IKBKE: variants seen among roughly 807,000 people sequenced by gnomAD.
The protein encoded by IKBKE is inhibitor of nuclear factor kappa B kinase subunit epsilon, also known as inhibitor of nuclear factor kappa-B kinase subunit epsilon.
IKBKE carries 45 observed loss-of-function variants against 92.1 expected under a neutral mutation model. The ratio of observed to expected loss-of-function variants is 0.49; its 90% confidence interval spans 0.38 to 0.63. The LOEUF (loss-of-function observed/expected upper bound fraction) is 0.63. Among genes scored for constraint, IKBKE ranks in the 20% least tolerant of loss-of-function variants. The probability of loss-of-function intolerance (pLI) is 0.00; values close to 1 mark genes in which losing one functional copy is unlikely to be tolerated. For synonymous variants in IKBKE, 374 were observed against 380.3 expected (o/e 0.98, Z 0.19); for missense variants, 700 against 932.8 (o/e 0.75, Z 3.25).
chr1:206,485,922 C>T lies in IKBKE; in HGVS notation c.1616+616C>T, dbSNP rs376715836. ...TGTGGGGAGCCGCTGCCTACCTTGC[C>T]GCTTCTGACCAGGGGATGGGTGGTA... On this transcript the variant is annotated intron_variant, in intron 15 of 21. Coordinates refer to ENST00000581977, the MANE Select transcript of IKBKE (RefSeq NM_014002.4). The surrounding 1 kb of genome is among the most constrained non-coding windows in gnomAD (Gnocchi z 5.0). Among the ~76,000 whole-genome samples the T allele has an allele frequency of 1.3e-5, 2 of 152,360 alleles. No homozygotes were observed.
In IKBKE at chr1:206,476,442, G is replaced by C; in HGVS notation, c.540+80G>C. The C allele has an allele frequency of 1.4e-6, 2 of 1,437,534 alleles. No individual in the cohort carries two copies. The highest frequency in any genetic ancestry group is 1.3e-5 in the South Asian group (1 of 77,436). The allele number at this position is 1,437,534 out of a possible 1,614,324, so 89.0% of individuals were successfully genotyped here. On this transcript the variant is annotated intron_variant, in intron 6 of 21. Transcript: ENST00000581977. The surrounding 1 kb of genome is among the most constrained non-coding windows in gnomAD (Gnocchi z 5.1). Reference sequence around the variant, plus strand: ...TGAGCCCCCCAGAGCCCCCATGAGGGGGTGTGGCCCACCTCCTGCTTCCAC... The same window carrying C: ...TGAGCCCCCCAGAGCCCCCATGAGGCGGTGTGGCCCACCTCCTGCTTCCAC...
At position 206,487,387 on chromosome 1, in the gene IKBKE, CTTG is replaced by C. The variant is rs1425247840; in HGVS notation, c.1617-524_1617-522del. Among the ~76,000 whole-genome samples, 31 of 152,360 alleles carry C rather than the reference CTTG, an allele frequency of 2.0e-4. No homozygotes were observed. The highest frequency in any genetic ancestry group is 7.2e-4 in the African/African-American group (30 of 41,598). On this transcript the variant is annotated intron_variant, in intron 15 of 21. Transcript: ENST00000581977. This position sits in a 1 kb window ranked among gnomAD's most constrained non-coding sequence, Gnocchi z 5.3. ...CAGGACCGAGGCCTGTTGATTCATTCTTGTTTTCAATAAGGATTATTGATTCAT... is the reference window on the plus strand; with the variant it reads ...CAGGACCGAGGCCTGTTGATTCATTCTTTTCAATAAGGATTATTGATTCAT...
chr1:206,478,232 C>T lies in IKBKE; in HGVS notation c.885C>T (p.Phe295=), dbSNP rs144754298. The change falls in exon 9 of 22, where the codon TTC becomes TTT. Residue 295 remains phenylalanine (F), a synonymous_variant. Transcript: ENST00000581977. The surrounding 1 kb of genome is among the most constrained non-coding windows in gnomAD (Gnocchi z 4.8). ...LEVEQAKCWG[F]DQFFAETSDI... ...TGGAGCAGGCCAAGTGCTGGGGCTT[C>T]GACCAGTTCTTTGCGGAGACCAGTG... is the stretch of plus-strand genomic sequence containing the variant. 2.5e-5 allele frequency: 40 copies of T among 1,614,064 alleles called. No individual in the cohort carries two copies. The highest frequency in any genetic ancestry group is 2.0e-4 in the East Asian group (9 of 44,906).
intron 4 of IKBKE, 28 bp from the exon 5 acceptor site, chr1:206,474,837 C>T (rs868985161): frequency 5.0e-6 from 8 of 1,610,834 alleles, no homozygotes; most frequent in Non-Finnish European, 6.8e-6. Flanking sequence ...GTGCCGTCCT[C>T]ATGAGCCCCT....
chr1:206,494,050 G>A, intron 21 of IKBKE, 59 bp downstream of exon 21: 2 of 1,473,302 alleles, frequency 1.4e-6, no homozygotes, highest in Non-Finnish European at 1.9e-6. Context: ...CCTTGCCTGG[G>A]GGTGGTGAAG....
At position 206,490,687 on chromosome 1, in the gene IKBKE, G is replaced by A. The variant is rs1482393825; in HGVS notation, c.1694-132G>A. ...TTCACTCCTCTGCCCCTCCTGCTCC[G>A]CTGGGCGGTGAGTTCCCGTGAAGCA... On this transcript the variant is annotated intron_variant, in intron 16 of 21. Coordinates refer to ENST00000581977, the MANE Select transcript of IKBKE (RefSeq NM_014002.4). This position sits in a 1 kb window ranked among gnomAD's most constrained non-coding sequence, Gnocchi z 5.2. 1 of 875,188 alleles carries A rather than the reference G, an allele frequency of 1.1e-6. No individual in the cohort carries two copies. Among genetic ancestry groups the A allele is most frequent in the Non-Finnish European group, 1.9e-6 (1 of 527,228 alleles). The allele number at this position is 875,188 out of a possible 1,614,324, so 54.2% of individuals were successfully genotyped here.
At chr1:206,489,998 A>G (rs540235280) in intron 16 of IKBKE, among the ~76,000 whole-genome samples, 2 of 152,288 alleles carry the variant, frequency 1.3e-5, no homozygotes, top group Admixed American at 6.5e-5. Flanking sequence ...GGGACTCCCA[A>G]GTGGCACCTG....
At chr1:206,493,877 A>G in intron 20 of IKBKE, 43 bp from the exon 21 acceptor site, 1 of 1,571,904 alleles carries the variant, frequency 6.4e-7, no homozygotes, top group Non-Finnish European at 8.7e-7. Flanking sequence ...TGGGCAGGGC[A>G]ACTTCCAGCC....
rs1043479667 is a variant in IKBKE at position 206,478,656 on chromosome 1, A to G, written c.993-287A>G. Among the ~76,000 whole-genome samples, 4 of 152,192 alleles carry G rather than the reference A, an allele frequency of 2.6e-5. No homozygotes were observed. Among genetic ancestry groups the G allele is most frequent in the Non-Finnish European group, 5.9e-5 (4 of 68,038 alleles). On this transcript the variant is annotated intron_variant, in intron 9 of 21. Transcript: ENST00000581977. This position sits in a 1 kb window ranked among gnomAD's most constrained non-coding sequence, Gnocchi z 4.8. The stretch of plus-strand genomic sequence containing the variant: ...ACCCTTGATTCCTGGATAATTTTAT[A>G]GAACTAGGTAAATTTTAATGGCAGT...
rs782639909 is a variant in IKBKE, at chr1:206,490,883, TGGGTGGGCAGGA to T, written c.1733+33_1733+44del. On this transcript the variant is annotated intron_variant, in intron 17 of 21. Transcript: ENST00000581977. This position sits in a 1 kb window ranked among gnomAD's most constrained non-coding sequence, Gnocchi z 5.2. ...AGTGAGTGGCCTGTCCTCCGGCAGG[TGGGTGGGCAGGA>T]GGGTGGGTGTCCTCAGGGCAGAGCG... 49 of 1,610,500 alleles carry T rather than the reference TGGGTGGGCAGGA, an allele frequency of 3.0e-5. No homozygotes were observed. The highest frequency in any genetic ancestry group is 2.5e-4 in the African/African-American group (19 of 74,702).
At chr1:206,479,743 C>T in intron 10 of IKBKE, 127 bp from the exon 11 acceptor site, 1 of 1,016,484 alleles carries the variant, frequency 9.8e-7, no homozygotes, top group East Asian at 2.6e-5. Context: ...GTGGGAGGCT[C>T]AGGGTGAGTT....
chr1:206,481,439 C>A (rs1665384323), intron 13 of IKBKE, among the ~76,000 whole-genome samples: 1 of 152,224 alleles, frequency 6.6e-6, no homozygotes, highest in African/African-American at 2.4e-5. Flanking sequence ...GATGGGGCAG[C>A]TGGGAGGTGG....
chr1:206,493,312 G>A lies in IKBKE; in HGVS notation c.1979G>A (p.Gly660Glu), dbSNP rs55822317. Residue 660 changes from glycine to glutamate, a missense_variant, in exon 20 of 22, where the codon GGG becomes GAG. By Grantham distance (98) the Gly-to-Glu change is moderately conservative. Coordinates refer to ENST00000581977, the MANE Select transcript of IKBKE (RefSeq NM_014002.4). ...CAGCTCCTTCAGGACCGAGCAAAGG[G>A]GGCTCAGGCCTCGCCGCCTCCCATA... ...SHQLLQDRAKGAQASPPPIAP... is the reference protein window; with the variant it reads ...SHQLLQDRAKEAQASPPPIAP... The A allele has an allele frequency of 2.4e-4, 383 of 1,614,086 alleles. 4 individuals are homozygous for A. The East Asian group carries it at 8.3e-3, about 35-fold the overall frequency.
chr1:206,485,157 T>C lies in IKBKE; in HGVS notation c.1504-37T>C, dbSNP rs782242142. On this transcript the variant is annotated intron_variant, in intron 14 of 21. Transcript: ENST00000581977. This position sits in a 1 kb window ranked among gnomAD's most constrained non-coding sequence, Gnocchi z 5.0. ...CCAGCCTGCCCACCAGTGCCCAGGC[T>C]GAAGACCCCACGGGGGTCTGCCTTT... 1.3e-6 allele frequency: 2 copies of C among 1,585,830 alleles called. No individual in the cohort carries two copies. The highest frequency in any genetic ancestry group is 2.2e-5 in the East Asian group (1 of 44,758).
At chr1:206,473,582 A>T (rs1664893748) in intron 3 of IKBKE, among the ~76,000 whole-genome samples, 2 of 152,218 alleles carry the variant, frequency 1.3e-5, no homozygotes, top group Non-Finnish European at 1.5e-5. Flanking sequence ...CAGCAAATGG[A>T]ATCTAGGAAT....
At chr1:206,492,511 T>A (rs1382318374) in intron 18 of IKBKE, 1 of 471,238 alleles carries the variant, frequency 2.1e-6, no homozygotes, top group Non-Finnish European at 4.4e-6. Flanking sequence ...AGGGCTTGGA[T>A]GTCAGTGTAG....
intron 2 of IKBKE, among the ~76,000 whole-genome samples, 160 bp downstream of exon 2, chr1:206,471,405 GA>G (rs1664765084): frequency 6.6e-6 from 1 of 152,182 alleles, no homozygotes; most frequent in Non-Finnish European, 1.5e-5. Flanking sequence ...GTGGTGGGGG[GA>G]GGATCTGCAG....
rs781917257 is a variant in IKBKE at position 206,476,761 on chromosome 1, A to C, written c.624A>C (p.Gly208=). The C allele has an allele frequency of 2.5e-6, 4 of 1,614,186 alleles. No individual in the cohort carries two copies. In the Admixed American group the frequency reaches 6.7e-5, roughly 27 times the overall value. The part of the protein sequence containing the change: ...FGVTVDLWSI[G]VTLYHAATGS... ...TGACTGTGGATCTCTGGAGCATTGG[A>C]GTGACCTTGTACCATGCAGCCACTG... is the stretch of plus-strand genomic sequence containing the variant. Residue 208 remains glycine (G), a synonymous_variant, in exon 7 of 22, where the codon GGA becomes GGC. Transcript: ENST00000581977. This position sits in a 1 kb window ranked among gnomAD's most constrained non-coding sequence, Gnocchi z 5.1.
chr1:206,488,942 A>G (rs1572261758), intron 16 of IKBKE, among the ~76,000 whole-genome samples: 2 of 152,174 alleles, frequency 1.3e-5, no homozygotes, highest in African/African-American at 4.8e-5. Context: ...ATCACTAAGG[A>G]AATACCTTAT....
Sources: allele counts gnomAD v4.1 joint callset (sites outside exome capture counted in the v4.1 genomes callset), GRCh38; gene constraint gnomAD v4.1.1; non-coding constraint Gnocchi (gnomAD v3.1); transcripts MANE v1.5; gene names NCBI Gene and HGNC (gene_info 2026-07-23, HGNC 2026-07-21).